Variants in PIEZO1 observed in about 807,000 individuals in gnomAD.
PIEZO1 encodes the protein piezo type mechanosensitive ion channel component 1 (Er blood group).
PIEZO1 carries 296 observed loss-of-function variants against 297.2 expected under a neutral mutation model. That is an observed-to-expected ratio of 1.00 (90% CI 0.91 to 1.10). The LOEUF is 1.10. Among genes scored for constraint, PIEZO1 ranks in the 50% least tolerant of loss-of-function variants. PIEZO1 has a pLI of 0.00. For missense variants in PIEZO1, 5,018 were observed against 3,455.5 expected (o/e 1.45, Z -11.34); for synonymous variants, 2,427 against 1,507.5 (o/e 1.61, Z -14.13).
intron 1 of PIEZO1, among the ~76,000 whole-genome samples, chr16:88,765,994 G>A (rs749411668): frequency 7.2e-5 from 11 of 152,146 alleles, no homozygotes; most frequent in Non-Finnish European, 1.6e-4. Context: ...TCTGAACAGG[G>A]TGCTGAGGAT....
In PIEZO1 at chr16:88,734,430, G is replaced by A. The variant is rs917418405; in HGVS notation, c.2106C>T (p.His702=). ...TGTCGGTGAGCTGCATGAAGGGCCT[G>A]TGGAAGTAGTGCAGCTGCAGGATGC... is the stretch of plus-strand genomic sequence containing the variant. ...LACILQLHYF[H]RPFMQLTDME... is the part of the protein sequence containing the mutation. The change falls in exon 16 of 51, where the codon CAC becomes CAT. Residue 702 remains histidine, a synonymous_variant. Coordinates refer to ENST00000301015, the MANE Select transcript of PIEZO1 (RefSeq NM_001142864.4). 1 of 1,549,892 alleles carries A rather than the reference G, an allele frequency of 6.5e-7. No individual in the cohort carries two copies. Among genetic ancestry groups the A allele is most frequent in the African/African-American group, 1.4e-5 (1 of 73,052 alleles).
In PIEZO1 at chr16:88,726,743, G is replaced by A. The variant is rs1188169585; in HGVS notation, c.3671C>T (p.Thr1224Ile). Reference sequence around the variant, plus strand: ...CAGCATGTTCTTGGAGATGATGACGGTGACGTTGTACAGAATGAGGCAGTC... The same window carrying A: ...CAGCATGTTCTTGGAGATGATGACGATGACGTTGTACAGAATGAGGCAGTC... ...LWDCLILYNV[T>I]VIISKNMLSL... The change falls in exon 25 of 51, where the codon ACC becomes ATC. Residue 1224 changes from threonine (T) to isoleucine (I), a missense_variant. Transcript: ENST00000301015. The A allele has an allele frequency of 1.1e-5, 17 of 1,550,106 alleles. No individual in the cohort carries two copies. The South Asian group carries it at 1.7e-4, about 15-fold the overall frequency.
chr16:88,723,751 C>A, intron 31 of PIEZO1, 120 bp downstream of exon 31: 1 of 635,340 alleles, frequency 1.6e-6, no homozygotes, highest in African/African-American at 1.8e-5. Flanking sequence ...GGTGGGCTAA[C>A]TGGAGGTGGA....
intron 2 of PIEZO1, among the ~76,000 whole-genome samples, chr16:88,748,080 C>T (rs529935628): frequency 6.6e-6 from 1 of 152,352 alleles, no homozygotes; most frequent in East Asian, 1.9e-4. Flanking sequence ...ACAGTCACGC[C>T]CCCTGGTCCT....
chr16:88,751,674 TAA>T (rs35999205), intron 1 of PIEZO1, among the ~76,000 whole-genome samples: 63 of 146,382 alleles, frequency 4.3e-4, no homozygotes, highest in Admixed American at 6.1e-4. Flanking sequence ...ACATTTTCAT[TAA>T]AAAAAAAAAA....
intron 1 of PIEZO1, among the ~76,000 whole-genome samples, chr16:88,753,050 G>GGAA (rs1316360285): frequency 6.6e-6 from 1 of 150,986 alleles, no homozygotes; most frequent in Non-Finnish European, 1.5e-5. Flanking sequence ...GGCTCAGAGA[G>GGAA]GAAGAGGGCT....
rs778637679 is a variant in PIEZO1, at chr16:88,743,299, G to A, written c.161-877C>T. Reference sequence around the variant, plus strand: ...CCCTTCAGCAGGGGTCCGGACCAAAGTCCTTGACCCACCGGGTTCTGAGTC... The same window carrying A: ...CCCTTCAGCAGGGGTCCGGACCAAAATCCTTGACCCACCGGGTTCTGAGTC... On this transcript the variant is annotated intron_variant, in intron 2 of 50. Transcript: ENST00000301015. The A allele has an allele frequency of 2.0e-4, 92 of 456,280 alleles. 1 individual carries two copies. The highest frequency in any genetic ancestry group is 5.9e-4 in the South Asian group (38 of 64,542). 28.3% of individuals were successfully genotyped at this position (456,280 alleles called of 1,614,324 possible). A position where few individuals can be genotyped will look rare whatever the true frequency, so the allele number is the denominator to read the frequency against.
At position 88,715,339 on chromosome 16, in the gene PIEZO1, CTGAT is replaced by C. The variant is rs771568737; in HGVS notation, c.*262_*265del. On this transcript the variant is annotated 3_prime_UTR_variant, in exon 51 of 51. Transcript: ENST00000301015. The stretch of plus-strand genomic sequence containing the variant: ...GAAGGCAAGGACGGGGGACTGGCCT[CTGAT>C]TGTCCATTTGTATAAATAAAACATT... 4.5e-6 allele frequency: 6 copies of C among 1,335,110 alleles called. No homozygotes were observed. The highest frequency in any genetic ancestry group is 5.2e-6 in the Non-Finnish European group (5 of 969,970). The allele number at this position is 1,335,110 out of a possible 1,614,324, so 82.7% of individuals were successfully genotyped here.
In PIEZO1 at chr16:88,726,656, A is replaced by AGGATCAGCG. The variant is rs1555553943; in HGVS notation, c.3700-14_3700-13insCGCTGATCC. 1 of 941,030 alleles carries AGGATCAGCG rather than the reference A, an allele frequency of 1.1e-6. No homozygotes were observed. Among genetic ancestry groups the AGGATCAGCG allele is most frequent in the South Asian group, 1.5e-5 (1 of 68,860 alleles). 58.3% of individuals were successfully genotyped at this position (941,030 alleles called of 1,614,324 possible). A position where few individuals can be genotyped will look rare whatever the true frequency, so the allele number is the denominator to read the frequency against. ...CGCAGGCCAGGAGCTGGGGGAGAGC[A>AGGATCAGCG]GGGTCAGCGGGGCCAGCGGGGCCCC... On this transcript the variant is annotated splice_polypyrimidine_tract_variant and intron_variant, in intron 25 of 50. Transcript: ENST00000301015.
At chr16:88,780,682 C>T (rs1202452812) in intron 1 of PIEZO1, among the ~76,000 whole-genome samples, 3 of 152,206 alleles carry the variant, frequency 2.0e-5, no homozygotes, top group Non-Finnish European at 2.9e-5. Flanking sequence ...AACTGTCAGC[C>T]GGGCGCGGTG....
chr16:88,718,333 C>T (rs1912196010), intron 44 of PIEZO1: 1 of 152,854 alleles, frequency 6.5e-6, no homozygotes, highest in African/African-American at 2.4e-5. Flanking sequence ...AGCAGCTCCT[C>T]ATGATGGAAA....
intron 24 of PIEZO1, 40 bp from the exon 25 acceptor site, chr16:88,726,998 C>A (rs1338136156): frequency 3.9e-6 from 6 of 1,548,924 alleles, no homozygotes; most frequent in African/African-American, 1.4e-5. Flanking sequence ...CCCGGCCACC[C>A]CTCCCAGAAG....
In PIEZO1 at chr16:88,726,631, C is replaced by T. The variant is rs775331933; in HGVS notation, c.3712G>A (p.Val1238Ile). ...CCGGTCTGCATCTGCTCCACGAAGA[C>T]GCAGGCCAGGAGCTGGGGGAGAGCA... The part of the protein sequence containing the change: ...SKNMLSLLAC[V>I]FVEQMQTGFC... The change falls in exon 26 of 51, where the codon GTC (valine) becomes ATC (isoleucine). Residue 1238 changes from valine (V) to isoleucine (I), a missense_variant. Transcript: ENST00000301015. The T allele has an allele frequency of 3.9e-5, 56 of 1,453,596 alleles. No homozygotes were observed. The highest frequency in any genetic ancestry group is 1.1e-4 in the South Asian group (9 of 82,678). 90.0% of individuals were successfully genotyped at this position (1,453,596 alleles called of 1,614,324 possible).
In PIEZO1 at chr16:88,742,369, C is replaced by G. The variant is rs1441814815; in HGVS notation, c.214G>C (p.Val72Leu). Residue 72 changes from valine to leucine, a missense_variant, in exon 3 of 51, where the codon GTG (valine) becomes CTG (leucine). By Grantham distance (32) the Val-to-Leu change is conservative. Transcript: ENST00000301015. ...CAGATCTGGAGGGCGAGATGGGCCACCAGGAAGAGCAGGCTGAGGCCCAGC... is the reference window on the plus strand; with the variant it reads ...CAGATCTGGAGGGCGAGATGGGCCAGCAGGAAGAGCAGGCTGAGGCCCAGC... ...ALLGLSLLFL[V>L]AHLALQICLH... is the part of the protein sequence containing the mutation. 12 of 1,535,424 alleles carry G rather than the reference C, an allele frequency of 7.8e-6. No homozygotes were observed. Among genetic ancestry groups the G allele is most frequent in the Middle Eastern group, 1.7e-4 (1 of 5,880 alleles).
intron 1 of PIEZO1, among the ~76,000 whole-genome samples, chr16:88,769,218 A>T (rs147929014): frequency 6.6e-6 from 1 of 152,248 alleles, no homozygotes; most frequent in East Asian, 1.9e-4. Context: ...AGGCAGTCAC[A>T]TAATTTTGTG....
chr16:88,744,366 G>A (rs1236856133), intron 2 of PIEZO1: 1 of 152,244 alleles, frequency 6.6e-6, no homozygotes, highest in Non-Finnish European at 1.5e-5. Flanking sequence ...CCTACAGAGA[G>A]GGACCTGCGG....
At position 88,741,663 on chromosome 16, in the gene PIEZO1, T is replaced by G. The variant is rs559513141; in HGVS notation, c.327-47A>C. ...CGCGGTCAGACCAAGAGGACAGGTG[T>G]GGGTGTGAGTGTGGATGGGTCTCCA... On this transcript the variant is annotated intron_variant, in intron 4 of 50. Transcript: ENST00000301015. 6 of 1,508,760 alleles carry G rather than the reference T, an allele frequency of 4.0e-6. No homozygotes were observed. In the East Asian group the frequency reaches 1.2e-4, roughly 31 times the overall value. 93.5% of individuals were successfully genotyped at this position (1,508,760 alleles called of 1,614,324 possible). A position where few individuals can be genotyped will look rare whatever the true frequency, so the allele number is the denominator to read the frequency against.
rs1416605017 is a variant in PIEZO1 at position 88,738,278 on chromosome 16, T to C, written c.797A>G (p.Tyr266Cys). 1 of 1,535,680 alleles carries C rather than the reference T, an allele frequency of 6.5e-7. No individual in the cohort carries two copies. The highest frequency in any genetic ancestry group is 8.7e-7 in the Non-Finnish European group (1 of 1,146,826). The stretch of plus-strand genomic sequence containing the variant: ...CAGAGCCTGTGCCAAGGGCATCTGG[T>C]AGCAGTAGAGGCAGATGAGATGGCC... ...GAGHLICLYC[Y>C]QMPLAQALLP... Residue 266 changes from tyrosine to cysteine, a missense_variant, in exon 7 of 51, where the codon TAC becomes TGC. Transcript: ENST00000301015.
chr16:88,733,017 G>GT (rs1904971333), intron 19 of PIEZO1: 2 of 583,028 alleles, frequency 3.4e-6, no homozygotes. Context: ...CTGTCCAGGG[G>GT]TGGGGCCCTC....
Sources: gnomAD v4.1 joint callset for allele counts (sites outside exome capture counted in the v4.1 genomes callset) on GRCh38, gnomAD v4.1.1 for gene constraint, MANE v1.5 for transcripts, NCBI Gene and HGNC (gene_info 2026-07-23, HGNC 2026-07-21) for gene names.